The following COLEC12 variants were observed in gnomAD, a reference collection of about 807,000 sequenced individuals.
COLEC12 encodes collectin-12.
In COLEC12, 33 loss-of-function variants were observed where a neutral mutation model predicts 71.1. The ratio of observed to expected loss-of-function variants is 0.46; its 90% CI spans 0.35 to 0.62. COLEC12 has a LOEUF of 0.62. Among genes scored for constraint, COLEC12 ranks in the 20% least tolerant of loss-of-function variants. COLEC12 has a pLI of 0.00. For synonymous variants in COLEC12, 350 were observed against 353.0 expected, an observed-to-expected ratio of 0.99 and a Z score of 0.10; for missense variants, 765 against 916.1, an observed-to-expected ratio of 0.84 and a Z score of 2.13.
intron 2 of COLEC12, among the ~76,000 whole-genome samples, chr18:418,374 T>C (rs1348758108): frequency 6.6e-6 from 1 of 152,156 alleles, no homozygotes; most frequent in Non-Finnish European, 1.5e-5. Context: ...CTTCTACCTA[T>C]ATTAAGGAAT....
At chr18:393,224 G>A (rs778301955) in intron 2 of COLEC12, among the ~76,000 whole-genome samples, 5 of 152,166 alleles carry the variant, frequency 3.3e-5, no homozygotes, top group African/African-American at 7.2e-5. Flanking sequence ...TTGCTAGTGC[G>A]GGGATATTGT....
At chr18:333,256 G>T in intron 6 of COLEC12, 113 bp from the exon 7 acceptor site, 1 of 846,372 alleles carries the variant, frequency 1.2e-6, no homozygotes. Context: ...CAGCCTGAGC[G>T]TCCCTGCACG....
intron 2 of COLEC12, among the ~76,000 whole-genome samples, chr18:425,641 G>GC (rs529941484): frequency 6.2e-4 from 95 of 152,258 alleles, no homozygotes; most frequent in Non-Finnish European, 1.1e-3. Flanking sequence ...AAGACACACA[G>GC]CCCCCACGGT....
At chr18:350,867 G>A (rs1051764826) in intron 3 of COLEC12, among the ~76,000 whole-genome samples, 1 of 151,642 alleles carries the variant, frequency 6.6e-6, no homozygotes, top group African/African-American at 2.4e-5. Context: ...GGTGGAACCA[G>A]GAGAATTGCT....
chr18:336,526 C>A (rs1914122455), intron 5 of COLEC12, among the ~76,000 whole-genome samples: 1 of 152,108 alleles, frequency 6.6e-6, no homozygotes, highest in South Asian at 2.1e-4. Flanking sequence ...AATCTCCTAC[C>A]AGGAACTGTA....
At chr18:353,681 T>C (rs540452063) in intron 3 of COLEC12, among the ~76,000 whole-genome samples, 1 of 152,358 alleles carries the variant, frequency 6.6e-6, no homozygotes, top group African/African-American at 2.4e-5. Flanking sequence ...ACAGAGCTCC[T>C]AGCTGGTGCT....
chr18:426,280 A>G (rs1336860922), intron 2 of COLEC12, among the ~76,000 whole-genome samples: 1 of 135,382 alleles, frequency 7.4e-6, no homozygotes, highest in Admixed American at 7.2e-5. Context: ...GAAATGAACC[A>G]GAATGATTAA....
intron 2 of COLEC12, among the ~76,000 whole-genome samples, chr18:395,449 C>T (rs564509158): frequency 6.6e-6 from 1 of 152,198 alleles, no homozygotes; most frequent in Non-Finnish European, 1.5e-5. Context: ...TGTACTAACT[C>T]AACCCCTGCG....
chr18:444,235 T>G (rs558721931), intron 2 of COLEC12, among the ~76,000 whole-genome samples: 1 of 152,226 alleles, frequency 6.6e-6, no homozygotes, highest in South Asian at 2.1e-4. Flanking sequence ...AAACATACAC[T>G]ATGATGATTG....
intron 2 of COLEC12, among the ~76,000 whole-genome samples, chr18:363,189 G>A (rs1005006615): frequency 6.6e-6 from 1 of 152,136 alleles, no homozygotes; most frequent in Non-Finnish European, 1.5e-5. Flanking sequence ...CCCAAGTGCT[G>A]TGGTCCAGTC....
chr18:340,274 C>T (rs114377475), intron 5 of COLEC12, among the ~76,000 whole-genome samples: 153 of 152,116 alleles, frequency 1.0e-3, no homozygotes, highest in African/African-American at 3.3e-3. Context: ...CTCACTGGCT[C>T]GGGTTTCTGA....
chr18:396,032 C>G (rs1915563847), intron 2 of COLEC12, among the ~76,000 whole-genome samples: 1 of 152,206 alleles, frequency 6.6e-6, no homozygotes, highest in Admixed American at 6.5e-5. Flanking sequence ...GCCCCAGGCT[C>G]TTGGTGCTGC....
At chr18:371,945 C>A (rs1915008861) in intron 2 of COLEC12, among the ~76,000 whole-genome samples, 1 of 152,200 alleles carries the variant, frequency 6.6e-6, no homozygotes, top group African/African-American at 2.4e-5. Flanking sequence ...CAGAATCGAT[C>A]AAGTACGTGA....
intron 2 of COLEC12, among the ~76,000 whole-genome samples, chr18:387,124 T>C (rs1035300511): frequency 2.6e-5 from 4 of 152,258 alleles, no homozygotes; most frequent in African/African-American, 9.6e-5. Flanking sequence ...GAGCTCGCTT[T>C]TGGCAGATTA....
chr18:331,006 A>AGT (rs1021181486), intron 8 of COLEC12, among the ~76,000 whole-genome samples: 4 of 151,346 alleles, frequency 2.6e-5, no homozygotes, highest in African/African-American at 9.7e-5. Flanking sequence ...CAGCCTCCCG[A>AGT]GTAGCTGGCA....
intron 2 of COLEC12, among the ~76,000 whole-genome samples, chr18:434,478 C>T (rs2155541): frequency 0.87 from 132,330 of 152,216 alleles, 58,320 homozygotes; most frequent in East Asian, 1. Flanking sequence ...AGATCTGGCT[C>T]GGAGTCCATG....
intron 1 of COLEC12, among the ~76,000 whole-genome samples, chr18:481,904 CTT>C (rs923148159): frequency 1.3e-5 from 2 of 149,806 alleles, no homozygotes; most frequent in Non-Finnish European, 3.0e-5. Flanking sequence ...CTAAAGGACA[CTT>C]TTTTTTTTCT....
At chr18:350,521 T>C (rs561478172) in intron 3 of COLEC12, among the ~76,000 whole-genome samples, 1 of 152,308 alleles carries the variant, frequency 6.6e-6, no homozygotes, top group East Asian at 1.9e-4. Context: ...CAAGTACACG[T>C]TTCTAAAATG....
At chr18:372,104 C>T (rs537468787) in intron 2 of COLEC12, among the ~76,000 whole-genome samples, 3 of 152,286 alleles carry the variant, frequency 2.0e-5, no homozygotes, top group Admixed American at 2.0e-4. Context: ...CGACCCCACC[C>T]GCCTATCCCA....
Sources: gnomAD v4.1 joint callset for allele counts (sites outside exome capture counted in the v4.1 genomes callset) on GRCh38, gnomAD v4.1.1 for gene constraint, MANE v1.5 for transcripts, NCBI Gene and HGNC (gene_info 2026-07-23, HGNC 2026-07-21) for gene names.